The following UQCC1 variants were observed in gnomAD, a reference collection of about 807,000 sequenced individuals.
The protein encoded by UQCC1 is bFGF-repressed Zic-binding protein.
UQCC1 carries 38 observed loss-of-function variants against 48.0 expected under a neutral mutation model. The ratio of observed to expected loss-of-function variants is 0.79; its 90% confidence interval spans 0.61 to 1.04. The LOEUF (loss-of-function observed/expected upper bound fraction) is 1.04, where lower values mean the gene tolerates loss of function less well. UQCC1 is among the 50% of genes least tolerant of loss of function. The pLI, the probability that UQCC1 is intolerant of heterozygous loss-of-function variation, is 0.00. For missense variants in UQCC1, 368 were observed against 381.8 expected (o/e 0.96, Z 0.30); for synonymous variants, 111 against 129.2 (o/e 0.86, Z 0.95).
At chr20:35,405,026 A>T (rs2062230887) in intron 1 of UQCC1, among the ~76,000 whole-genome samples, 1 of 152,198 alleles carries the variant, frequency 6.6e-6, no homozygotes, top group African/African-American at 2.4e-5. Flanking sequence ...GCACATGCTC[A>T]GGAAAGACCT....
chr20:35,401,329 G>A (rs182991737), intron 1 of UQCC1, among the ~76,000 whole-genome samples: 10 of 152,242 alleles, frequency 6.6e-5, no homozygotes, highest in Admixed American at 3.9e-4. Context: ...GCTAGATAGC[G>A]TTTCCATACT....
chr20:35,366,537 C>T lies in UQCC1; in HGVS notation c.464+20G>A. 6.2e-7 allele frequency: 1 copy of T among 1,611,664 alleles called. No individual in the cohort carries two copies. Among genetic ancestry groups the T allele is most frequent in the Non-Finnish European group, 8.5e-7 (1 of 1,177,978 alleles). On this transcript the variant is annotated intron_variant, in intron 6 of 9. Coordinates refer to ENST00000374385, the MANE Select transcript of UQCC1 (RefSeq NM_018244.5). ...TTTAAAAAAATACATTTGGTGACTTCATTTAAATTGCTCACTTACCAGACG... is the reference window on the plus strand; with the variant it reads ...TTTAAAAAAATACATTTGGTGACTTTATTTAAATTGCTCACTTACCAGACG...
At chr20:35,378,736 G>A (rs2061832298) in intron 4 of UQCC1, among the ~76,000 whole-genome samples, 1 of 152,140 alleles carries the variant, frequency 6.6e-6, no homozygotes, top group African/African-American at 2.4e-5. Context: ...AACCATCTGG[G>A]CCTCTGTTCA....
At chr20:35,376,307 C>CA (rs71830656) in intron 4 of UQCC1, among the ~76,000 whole-genome samples, 7,651 of 145,776 alleles carry the variant, frequency 0.052, 319 homozygotes, top group African/African-American at 0.12. Context: ...GACTCCGCCT[C>CA]AAAAAAAAAA....
chr20:35,311,460 G>A lies in UQCC1; in HGVS notation c.651+3228C>T, dbSNP rs555829772. 3.4e-4 allele frequency among the ~76,000 whole-genome samples: 52 copies of A among 152,284 alleles called. No individual in the cohort carries two copies. In the South Asian group the frequency reaches 0.01, roughly 30 times the overall value. On this transcript the variant is annotated intron_variant, in intron 8 of 9. Transcript: ENST00000374385. ...CACATATAGTAACTGAGTACCTGAG[G>A]ATCTGAATTTTCCATTTTATTTAAT...
At position 35,400,523 on chromosome 20, in the gene UQCC1, T is replaced by C. The variant is rs1601027112; in HGVS notation, c.25-6327A>G. Among the ~76,000 whole-genome samples the C allele has an allele frequency of 2.0e-5, 3 of 146,738 alleles. No homozygotes were observed. The Admixed American group carries it at 2.1e-4, about 10-fold the overall frequency. On this transcript the variant is annotated intron_variant, in intron 1 of 9. Transcript: ENST00000374385. ...TCTTTTTTTTTTTTTTGAGACGGAGTCTCGCTCCGTTGCCCAGGCTGGAGT... is the reference window on the plus strand; with the variant it reads ...TCTTTTTTTTTTTTTTGAGACGGAGCCTCGCTCCGTTGCCCAGGCTGGAGT...
At chr20:35,304,163 A>C in intron 9 of UQCC1, 94 bp from the exon 10 acceptor site, 1 of 1,553,688 alleles carries the variant, frequency 6.4e-7, no homozygotes, top group Non-Finnish European at 8.8e-7. Context: ...GAGAGGAAGG[A>C]AGGGGACGGG....
chr20:35,307,216 G>A (rs1156838203), intron 8 of UQCC1: 1 of 271,224 alleles, frequency 3.7e-6, no homozygotes, highest in Non-Finnish European at 7.3e-6. Context: ...GAATGGAGGT[G>A]GGCATGGACT....
chr20:35,306,106 C>T (rs547966679), intron 9 of UQCC1, among the ~76,000 whole-genome samples: 13 of 152,246 alleles, frequency 8.5e-5, no homozygotes, highest in East Asian at 1.9e-4. Flanking sequence ...GCCCCCACTG[C>T]GGAGCTTTCT....
At chr20:35,392,227 G>A (rs763201932) in intron 2 of UQCC1, 6 of 1,303,742 alleles carry the variant, frequency 4.6e-6, no homozygotes, top group African/African-American at 4.6e-5. Flanking sequence ...CTCCCTGTGA[G>A]ACATGTACCT....
intron 6 of UQCC1, among the ~76,000 whole-genome samples, chr20:35,356,615 G>A (rs1273375670): frequency 1.3e-5 from 2 of 152,184 alleles, no homozygotes; most frequent in African/African-American, 4.8e-5. Flanking sequence ...TTTCACAGGT[G>A]AGAAAATTGA....
chr20:35,338,880 A>ATATCTATAT (rs1568666082), intron 7 of UQCC1, among the ~76,000 whole-genome samples: 2 of 60,496 alleles, frequency 3.3e-5, no homozygotes, highest in African/African-American at 4.4e-4. Flanking sequence ...AAAAAAAAAA[A>ATATCTATAT]AAAAAAAAAA....
intron 1 of UQCC1, among the ~76,000 whole-genome samples, chr20:35,404,849 C>A (rs1386635295): frequency 1.3e-5 from 2 of 152,260 alleles, no homozygotes; most frequent in East Asian, 1.9e-4. Context: ...TTCATGGCTT[C>A]CTGAGGCAGT....
At chr20:35,304,962 A>G (rs1206528219) in intron 9 of UQCC1, among the ~76,000 whole-genome samples, 2 of 152,116 alleles carry the variant, frequency 1.3e-5, no homozygotes, top group African/African-American at 2.4e-5. Context: ...TTCTGCCCCC[A>G]GTGCCACCCC....
At chr20:35,307,446 TG>T (rs1387628622) in intron 8 of UQCC1, among the ~76,000 whole-genome samples, 3 of 152,210 alleles carry the variant, frequency 2.0e-5, no homozygotes, top group Non-Finnish European at 2.9e-5. Context: ...AGGAGACTTC[TG>T]TTGGGAAGCT....
intron 7 of UQCC1, among the ~76,000 whole-genome samples, chr20:35,319,463 T>C (rs1260497198): frequency 6.6e-6 from 1 of 152,198 alleles, no homozygotes; most frequent in African/African-American, 2.4e-5. Context: ...CCATGAGTTA[T>C]AATATATTTG....
intron 5 of UQCC1, 97 bp from the exon 6 acceptor site, chr20:35,366,711 C>CT (rs1389313081): frequency 9.7e-7 from 1 of 1,033,040 alleles, no homozygotes; most frequent in Non-Finnish European, 1.5e-6. Flanking sequence ...ATGGTGCTCT[C>CT]TGATTATGCT....
chr20:35,305,653 G>T (rs574372040), intron 9 of UQCC1, among the ~76,000 whole-genome samples: 4 of 152,200 alleles, frequency 2.6e-5, no homozygotes, highest in Non-Finnish European at 5.9e-5. Context: ...CTACCCTGTG[G>T]GTCTGCAGAG....
intron 7 of UQCC1, among the ~76,000 whole-genome samples, chr20:35,321,777 C>G (rs1188711413): frequency 6.6e-6 from 1 of 152,180 alleles, no homozygotes; most frequent in Non-Finnish European, 1.5e-5. Flanking sequence ...TTCAAGACTG[C>G]ATAGCCTGAT....
Sources: allele counts gnomAD v4.1 joint callset (sites outside exome capture counted in the v4.1 genomes callset), GRCh38; gene constraint gnomAD v4.1.1; transcripts MANE v1.5; gene names NCBI Gene and HGNC (gene_info 2026-07-23, HGNC 2026-07-21).